The following LTBP2 variants were observed in gnomAD, a reference collection of about 807,000 sequenced individuals.
LTBP2 encodes latent transforming growth factor beta binding protein 2, also known as latent-transforming growth factor beta-binding protein 2.
In LTBP2, 103 loss-of-function variants were observed where a neutral mutation model predicts 210.6. The observed-to-expected ratio is 0.49, with a 90% CI of 0.42 to 0.58. The LOEUF (loss-of-function observed/expected upper bound fraction) is 0.58, where lower values mean the gene tolerates loss of function less well. LTBP2 is among the 20% of genes least tolerant of loss of function. The probability of loss-of-function intolerance (pLI) is 0.00; values close to 1 mark genes in which losing one functional copy is unlikely to be tolerated. For missense variants in LTBP2, 2,313 were observed against 2,494.5 expected (o/e 0.93, Z 1.55); for synonymous variants, 1,007 against 1,015.0 (o/e 0.99, Z 0.15).
intron 3 of LTBP2, among the ~76,000 whole-genome samples, chr14:74,563,898 T>A (rs1164933545): frequency 6.8e-6 from 1 of 147,380 alleles, no homozygotes; most frequent in Non-Finnish European, 1.5e-5. Context: ...ATGTTGCAGT[T>A]ATTTGCATAT....
At chr14:74,598,134 A>C (rs2088394306) in intron 2 of LTBP2, among the ~76,000 whole-genome samples, 1 of 152,176 alleles carries the variant, frequency 6.6e-6, no homozygotes, top group East Asian at 1.9e-4. Context: ...AAGGGTTTGA[A>C]CTCAGGGAGC....
intron 33 of LTBP2, 78 bp from the exon 34 acceptor site, chr14:74,503,012 C>T: frequency 1.3e-6 from 2 of 1,569,350 alleles, no homozygotes; most frequent in Non-Finnish European, 1.7e-6. Context: ...TCTCTGGGAG[C>T]ATGCAAGGAC....
intron 3 of LTBP2, among the ~76,000 whole-genome samples, chr14:74,556,782 T>C (rs990852839): frequency 5.3e-5 from 8 of 152,198 alleles, no homozygotes; most frequent in African/African-American, 1.9e-4. Context: ...CCTCCCAAAG[T>C]GTTGGGATTA....
chr14:74,582,886 G>T (rs1402269166), intron 3 of LTBP2, among the ~76,000 whole-genome samples: 1 of 152,218 alleles, frequency 6.6e-6, no homozygotes, highest in East Asian at 1.9e-4. Context: ...TCCAAAGCCT[G>T]CTGGTTGCAG....
chr14:74,548,889 T>C (rs1464979303), intron 8 of LTBP2, among the ~76,000 whole-genome samples: 2 of 152,232 alleles, frequency 1.3e-5, no homozygotes, highest in African/African-American at 4.8e-5. Flanking sequence ...GTTAGACATT[T>C]AAGCCTGGGA....
chr14:74,532,961 T>G (rs1220373283), intron 9 of LTBP2, among the ~76,000 whole-genome samples: 3 of 152,198 alleles, frequency 2.0e-5, no homozygotes, highest in Non-Finnish European at 4.4e-5. Context: ...TGCCTCAGCC[T>G]CCCGAGTAGC....
At chr14:74,571,072 C>T (rs2087969979) in intron 3 of LTBP2, among the ~76,000 whole-genome samples, 2 of 151,274 alleles carry the variant, frequency 1.3e-5, no homozygotes, top group African/African-American at 2.4e-5. Context: ...TGGCTCATGC[C>T]TGTAATCCCA....
chr14:74,532,489 C>T lies in LTBP2; in HGVS notation c.1924G>A (p.Gly642Ser), dbSNP rs760385920. The change falls in exon 10 of 36, where the codon GGC becomes AGC. Residue 642 changes from glycine (G) to serine (S), a missense_variant. Physicochemically the swap from Gly to Ser is moderately conservative, Grantham distance 56. Around this residue, in one of 3 missense-constraint regions of LTBP2, gnomAD observed 1,867 missense variants for 1,976.9 expected, o/e 0.94. Transcript: ENST00000261978. ...CKDAECVNTR[G>S]SYLCTCRPGL... Reference sequence around the variant, plus strand: ...GGTCTGCATGTGCACAGGTAGCTGCCCCTGGTATTCACACACTCCGCGTCC... The same window carrying T: ...GGTCTGCATGTGCACAGGTAGCTGCTCCTGGTATTCACACACTCCGCGTCC... The T allele has an allele frequency of 2.0e-5, 33 of 1,614,068 alleles. No homozygotes were observed. Among genetic ancestry groups the T allele is most frequent in the Non-Finnish European group, 2.6e-5 (31 of 1,180,036 alleles).
chr14:74,582,570 C>T (rs2088151999), intron 3 of LTBP2, among the ~76,000 whole-genome samples: 1 of 152,166 alleles, frequency 6.6e-6, no homozygotes, highest in African/African-American at 2.4e-5. Flanking sequence ...GTTCTACTCA[C>T]ATGGTCTCAT....
At chr14:74,594,565 C>A (rs987837825) in intron 2 of LTBP2, among the ~76,000 whole-genome samples, 4 of 152,222 alleles carry the variant, frequency 2.6e-5, no homozygotes, top group Admixed American at 6.5e-5. Flanking sequence ...TAGAGGCCTT[C>A]GCAGACGGGA....
intron 3 of LTBP2, among the ~76,000 whole-genome samples, chr14:74,577,959 G>A (rs985971170): frequency 6.6e-6 from 1 of 152,026 alleles, no homozygotes; most frequent in Non-Finnish European, 1.5e-5. Context: ...ACAATCTTGG[G>A]TCCAAGGGAC....
intron 2 of LTBP2, among the ~76,000 whole-genome samples, chr14:74,596,873 A>G (rs1233495087): frequency 6.6e-6 from 1 of 152,100 alleles, no homozygotes; most frequent in East Asian, 1.9e-4. Context: ...TTCATTTTAG[A>G]CAAGTTGGGA....
rs1228366754 is a variant in LTBP2, at chr14:74,552,247, C to G, written c.1339G>C (p.Ala447Pro). Residue 447 changes from alanine (A) to proline (P), a missense_variant, in exon 6 of 36, where the codon GCC (alanine) becomes CCC (proline). By Grantham distance (27) the Ala-to-Pro change is conservative. Coordinates refer to ENST00000261978, the MANE Select transcript of LTBP2 (RefSeq NM_000428.3). ...TGCTTCAGTGGGGCTTCCAGCAAGG[C>G]CCTGGGGCGGGACCCCCTCCCTGGA... ...EPPGRGSRPR[A>P]LLEAPLKQST... 5 of 1,612,940 alleles carry G rather than the reference C, an allele frequency of 3.1e-6. No homozygotes were observed. The African/African-American group carries it at 6.7e-5, about 22-fold the overall frequency.
At chr14:74,505,627 G>A (rs1017096903) in intron 28 of LTBP2, among the ~76,000 whole-genome samples, 1 of 151,772 alleles carries the variant, frequency 6.6e-6, no homozygotes, top group Admixed American at 6.6e-5. Flanking sequence ...CTGAGTCCTA[G>A]TCCAGCCTGG....
intron 8 of LTBP2, among the ~76,000 whole-genome samples, chr14:74,549,489 G>A (rs996004476): frequency 1.3e-5 from 2 of 152,218 alleles, no homozygotes; most frequent in African/African-American, 4.8e-5. Context: ...GGAGGCCTGG[G>A]GGCCCCATCA....
Position 74,503,964 on chromosome 14 carries a change from G to A in LTBP2, c.4544C>T (p.Pro1515Leu), listed in dbSNP as rs2086949551. The A allele has an allele frequency of 1.2e-6, 2 of 1,614,138 alleles. No individual in the cohort carries two copies. Among genetic ancestry groups the A allele is most frequent in the African/African-American group, 1.3e-5 (1 of 75,060 alleles). The part of the protein sequence containing the change: ...TVPGYVCLCN[P>L]GFHYDASHKK... ...GTGGGAAGCATCGTAGTGGAAGCCG[G>A]GATTGCACAGGCAGACATAACCAGG... The change falls in exon 31 of 36, where the codon CCC (proline) becomes CTC (leucine). Residue 1515 changes from proline (P) to leucine (L), a missense_variant. By Grantham distance (98) the Pro-to-Leu change is moderately conservative. Transcript: ENST00000261978.
intron 2 of LTBP2, among the ~76,000 whole-genome samples, chr14:74,602,947 G>A (rs1020539746): frequency 6.6e-6 from 1 of 152,234 alleles, no homozygotes; most frequent in African/African-American, 2.4e-5. Flanking sequence ...TGGTGCCCTT[G>A]GAAATGTGGG....
intron 3 of LTBP2, among the ~76,000 whole-genome samples, chr14:74,561,243 G>A (rs560903131): frequency 4.6e-5 from 7 of 152,124 alleles, no homozygotes; most frequent in South Asian, 2.1e-4. Context: ...ACTTGAACCC[G>A]GGAGGCAGAG....
At chr14:74,501,742 C>G in intron 34 of LTBP2, 152 bp from the exon 35 acceptor site, 1 of 932,516 alleles carries the variant, frequency 1.1e-6, no homozygotes, top group Middle Eastern at 3.4e-4. Flanking sequence ...TGGAAAGATG[C>G]TAGAACAAAA....
Sources: gnomAD v4.1 joint callset for allele counts (sites outside exome capture counted in the v4.1 genomes callset) on GRCh38, gnomAD v4.1.1 for gene constraint, gnomAD v4.1.1 regional missense constraint, MANE v1.5 for transcripts, NCBI Gene and HGNC (gene_info 2026-07-23, HGNC 2026-07-21) for gene names.